The following CDC14A variants were observed in gnomAD, a reference collection of about 807,000 sequenced individuals.
CDC14A encodes cell division cycle 14A.
In CDC14A, 53 loss-of-function variants were observed where a neutral mutation model predicts 74.4. The observed-to-expected ratio is 0.71, with a 90% CI of 0.57 to 0.89. The LOEUF (loss-of-function observed/expected upper bound fraction) is 0.89. Among genes scored for constraint, CDC14A ranks in the 40% least tolerant of loss-of-function variants. CDC14A has a pLI of 0.00. For missense variants in CDC14A, 646 were observed against 713.7 expected, an observed-to-expected ratio of 0.91 and a Z score of 1.08; for synonymous variants, 247 against 258.4, an observed-to-expected ratio of 0.96 and a Z score of 0.43.
chr1:100,417,395 G>A (rs904804747), intron 4 of CDC14A, among the ~76,000 whole-genome samples: 2 of 152,114 alleles, frequency 1.3e-5, no homozygotes, highest in Non-Finnish European at 2.9e-5. Flanking sequence ...AATTGTAAGC[G>A]TTAAGTAAAT....
In CDC14A at chr1:100,352,694, C is replaced by G. The variant is rs1570930100; in HGVS notation, c.-261C>G. ...GCGGCGGAGCAGCAGCTGCAGCAGC[C>G]GAGTCCAAATAGGAGCGGCCACAGC... On this transcript the variant is annotated 5_prime_UTR_variant, in exon 1 of 16. Coordinates refer to ENST00000336454, the MANE Select transcript of CDC14A (RefSeq NM_003672.4). 1 of 1,336,468 alleles carries G rather than the reference C, an allele frequency of 7.5e-7. No homozygotes were observed. The highest frequency in any genetic ancestry group is 9.5e-7 in the Non-Finnish European group (1 of 1,047,394). 82.8% of individuals were successfully genotyped at this position (1,336,468 alleles called of 1,614,324 possible). A position where few individuals can be genotyped will look rare whatever the true frequency, so the allele number is the denominator to read the frequency against.
chr1:100,468,533 G>A (rs975025457), intron 10 of CDC14A, among the ~76,000 whole-genome samples: 3 of 152,128 alleles, frequency 2.0e-5, no homozygotes, highest in African/African-American at 7.2e-5. Flanking sequence ...GCTAATGTAG[G>A]TACAACTTAT....
At chr1:100,386,741 A>G (rs2100976964) in intron 3 of CDC14A, among the ~76,000 whole-genome samples, 1 of 152,328 alleles carries the variant, frequency 6.6e-6, no homozygotes, top group Non-Finnish European at 1.5e-5. Flanking sequence ...GAGGCATGAT[A>G]TTCTCCTGAT....
chr1:100,389,103 A>T (rs999860979), intron 3 of CDC14A, among the ~76,000 whole-genome samples: 6 of 127,018 alleles, frequency 4.7e-5, no homozygotes, highest in African/African-American at 2.3e-4. Context: ...TGAGGCTGAG[A>T]GGTCAAGGCT....
At chr1:100,435,837 A>G (rs1428394111) in intron 5 of CDC14A, among the ~76,000 whole-genome samples, 1 of 146,228 alleles carries the variant, frequency 6.8e-6, no homozygotes, top group African/African-American at 2.8e-5. Flanking sequence ...AAAAAAAAAA[A>G]AAAAAAAAAA....
intron 4 of CDC14A, among the ~76,000 whole-genome samples, chr1:100,416,926 C>T (rs1399994523): frequency 3.9e-5 from 6 of 152,018 alleles, no homozygotes; most frequent in Non-Finnish European, 7.4e-5. Context: ...TGCTTCCCCT[C>T]GTATAAAACG....
intron 5 of CDC14A, among the ~76,000 whole-genome samples, chr1:100,433,044 A>ATT (rs1393948008): frequency 6.7e-6 from 1 of 148,378 alleles, no homozygotes; most frequent in African/African-American, 2.5e-5. Flanking sequence ...GTCTAATTAA[A>ATT]TTTTTTTTTT....
chr1:100,450,946 T>C (rs1395889838), intron 7 of CDC14A, among the ~76,000 whole-genome samples: 2 of 152,226 alleles, frequency 1.3e-5, no homozygotes, highest in African/African-American at 4.8e-5. Flanking sequence ...TGGTTTATTC[T>C]ATGGTCGCTC....
At chr1:100,347,243 GA>G (rs1377450917) in intron 1 of CDC14A, among the ~76,000 whole-genome samples, 1 of 152,198 alleles carries the variant, frequency 6.6e-6, no homozygotes, top group Admixed American at 6.5e-5. Context: ...GTGAGTTTGG[GA>G]AATCAGTTAC....
At chr1:100,455,361 A>G in intron 7 of CDC14A, 44 bp from the exon 8 acceptor site, 1 of 1,275,544 alleles carries the variant, frequency 7.8e-7, no homozygotes, top group Non-Finnish European at 1.1e-6. Flanking sequence ...TTGTATAAGA[A>G]TTATAAAATA....
At chr1:100,464,670 C>T (rs944462722) in intron 9 of CDC14A, among the ~76,000 whole-genome samples, 5 of 152,080 alleles carry the variant, frequency 3.3e-5, no homozygotes, top group Admixed American at 6.5e-5. Context: ...ATTACTACGT[C>T]GTAGAGTTTA....
At chr1:100,424,165 G>A (rs1662676864) in intron 4 of CDC14A, 57 bp from the exon 5 acceptor site, 1 of 1,277,974 alleles carries the variant, frequency 7.8e-7, no homozygotes, top group Non-Finnish European at 1.1e-6. Flanking sequence ...AATTTGGTGA[G>A]TAATTAGTTT....
At chr1:100,513,578 G>A (rs6697951) in intron 15 of CDC14A, among the ~76,000 whole-genome samples, 5 of 152,070 alleles carry the variant, frequency 3.3e-5, no homozygotes, top group Non-Finnish European at 7.4e-5. Context: ...TTCATTTGCT[G>A]TCAAGGACCT....
chr1:100,504,790 T>C (rs10875295), intron 15 of CDC14A: 730,466 of 1,519,584 alleles, frequency 0.48, 177,197 homozygotes, highest in African/African-American at 0.61. Flanking sequence ...ACCTTGCTTA[T>C]TCTCTTGTTT....
upstream of CDC14A, chr1:100,351,876 T>C: frequency 7.1e-7 from 1 of 1,402,794 alleles, no homozygotes; most frequent in Non-Finnish European, 9.8e-7. Context: ...CAATTGTATT[T>C]TTTATAAAGA....
At chr1:100,347,591 G>A (rs889456739), upstream of CDC14A, among the ~76,000 whole-genome samples, 1 of 152,082 alleles carries the variant, frequency 6.6e-6, no homozygotes, top group Admixed American at 6.5e-5. Context: ...TCTATTTTTG[G>A]TATTCTGGTT....
chr1:100,401,748 A>G (rs574920499), intron 4 of CDC14A, among the ~76,000 whole-genome samples: 15 of 152,248 alleles, frequency 9.9e-5, no homozygotes, highest in African/African-American at 2.4e-5. Flanking sequence ...GTTAAGAATT[A>G]ATTCATGGGG....
chr1:100,378,233 T>G (rs1655579678), intron 3 of CDC14A, among the ~76,000 whole-genome samples: 1 of 152,186 alleles, frequency 6.6e-6, no homozygotes, highest in Non-Finnish European at 1.5e-5. Context: ...TTTTGGCATG[T>G]GGCTTTTTTT....
chr1:100,462,393 C>G, intron 8 of CDC14A: 1 of 437,508 alleles, frequency 2.3e-6, no homozygotes, highest in South Asian at 2.3e-5. Context: ...TCCCAGGATT[C>G]GAATCTAGAG....
Sources: allele counts gnomAD v4.1 joint callset (sites outside exome capture counted in the v4.1 genomes callset), GRCh38; gene constraint gnomAD v4.1.1; transcripts MANE v1.5; gene names NCBI Gene and HGNC (gene_info 2026-07-23, HGNC 2026-07-21).